UEVLD: variants seen among roughly 807,000 people sequenced by gnomAD.
UEVLD encodes ubiquitin-conjugating enzyme E2 variant 3.
In UEVLD, 47 loss-of-function variants were observed where a neutral mutation model predicts 58.6. The ratio of observed to expected loss-of-function variants is 0.80; its 90% CI spans 0.63 to 1.02. UEVLD has a LOEUF of 1.02. Ranked by LOEUF, UEVLD falls within the 50% of genes least tolerant of loss-of-function variation. UEVLD has a pLI of 0.00. For missense variants in UEVLD, 510 were observed against 550.6 expected (o/e 0.93, Z 0.74); for synonymous variants, 197 against 195.3 (o/e 1.01, Z -0.07).
chr11:18,575,492 G>A (rs910911910), intron 2 of UEVLD, 80 bp from the exon 3 acceptor site: 1 of 1,349,118 alleles, frequency 7.4e-7, no homozygotes, highest in Non-Finnish European at 1.0e-6. Context: ...GTGTGCACAT[G>A]TGTGTGCTCA....
At chr11:18,542,890 CTTTTTTTTT>C (rs890676886) in intron 9 of UEVLD, among the ~76,000 whole-genome samples, 1 of 125,902 alleles carries the variant, frequency 7.9e-6, no homozygotes, top group Non-Finnish European at 1.6e-5. Flanking sequence ...CTTTTCTTTT[CTTTTTTTTT>C]TTTTTTTCTT....
At chr11:18,582,333 A>G (rs1853282907) in intron 1 of UEVLD, among the ~76,000 whole-genome samples, 1 of 132,032 alleles carries the variant, frequency 7.6e-6, no homozygotes, top group Non-Finnish European at 1.6e-5. Flanking sequence ...TTGTTTTGAC[A>G]CCCACCACCC....
At chr11:18,542,260 C>G (rs1851087505) in intron 9 of UEVLD, among the ~76,000 whole-genome samples, 1 of 152,064 alleles carries the variant, frequency 6.6e-6, no homozygotes, top group Non-Finnish European at 1.5e-5. Context: ...GTGCAATAAC[C>G]AGGCAAGCAA....
intron 6 of UEVLD, chr11:18,564,003 TAAA>T (rs34386323): frequency 0.043 from 6,536 of 153,650 alleles, 3 homozygotes; most frequent in South Asian, 0.082. Flanking sequence ...AGACTCCACC[TAAA>T]AAAAAAAAAA....
chr11:18,532,524 T>G, intron 11 of UEVLD, 37 bp from the exon 12 acceptor site: 1 of 1,489,038 alleles, frequency 6.7e-7, no homozygotes, highest in Non-Finnish European at 9.1e-7. Flanking sequence ...TAGAACTAAA[T>G]CATTGCAAAG....
chr11:18,533,460 G>T (rs1205980183), intron 11 of UEVLD, among the ~76,000 whole-genome samples: 1 of 150,040 alleles, frequency 6.7e-6, no homozygotes, highest in Admixed American at 6.7e-5. Flanking sequence ...TGACTTGGCT[G>T]GCTGAGATGA....
At chr11:18,548,900 T>A (rs1201038703) in intron 7 of UEVLD, among the ~76,000 whole-genome samples, 1 of 152,224 alleles carries the variant, frequency 6.6e-6, no homozygotes, top group Non-Finnish European at 1.5e-5. Flanking sequence ...GTAATTCCTA[T>A]GTTGTAGGAT....
At chr11:18,571,575 C>T (rs958974836) in intron 3 of UEVLD, among the ~76,000 whole-genome samples, 3 of 152,184 alleles carry the variant, frequency 2.0e-5, no homozygotes, top group Non-Finnish European at 4.4e-5. Flanking sequence ...TTGACTCCTA[C>T]CCTGCACATC....
chr11:18,555,185 G>A (rs1565121606), intron 7 of UEVLD, among the ~76,000 whole-genome samples: 1 of 152,118 alleles, frequency 6.6e-6, no homozygotes. Context: ...CCAGCACTTT[G>A]GGAGGCTGAG....
Position 18,559,273 on chromosome 11 carries a change from A to C in UEVLD, c.613-943T>G, listed in dbSNP as rs182119211. 2.3e-3 allele frequency among the ~76,000 whole-genome samples: 352 copies of C among 152,052 alleles called. 1 individual carries two copies. Among genetic ancestry groups the C allele is most frequent in the African/African-American group, 8.0e-3 (331 of 41,440 alleles). On this transcript the variant is annotated intron_variant, in intron 6 of 11. Transcript: ENST00000396197. The stretch of plus-strand genomic sequence containing the variant: ...GGGTGCATTAGCACGAGCTCAGCTC[A>C]CTGCAACCTCCACCTCCCAGGTTCA...
At chr11:18,561,774 G>A (rs1852046702) in intron 6 of UEVLD, among the ~76,000 whole-genome samples, 1 of 151,542 alleles carries the variant, frequency 6.6e-6, no homozygotes, top group South Asian at 2.1e-4. Flanking sequence ...GGAGGTTGCA[G>A]TGAGCTGAGA....
intron 7 of UEVLD, among the ~76,000 whole-genome samples, chr11:18,554,851 G>T (rs1339741470): frequency 6.6e-6 from 1 of 152,096 alleles, no homozygotes; most frequent in East Asian, 1.9e-4. Context: ...GACATCAAAT[G>T]ATCAGTCAGC....
chr11:18,539,597 T>G (rs2133962837), intron 9 of UEVLD, among the ~76,000 whole-genome samples: 1 of 152,340 alleles, frequency 6.6e-6, no homozygotes, highest in African/African-American at 2.4e-5. Context: ...CTTTAAAAAT[T>G]TGTTACATTA....
chr11:18,546,232 A>G (rs1028833459), intron 8 of UEVLD, among the ~76,000 whole-genome samples: 2 of 152,216 alleles, frequency 1.3e-5, no homozygotes, highest in Admixed American at 1.3e-4. Context: ...GATACTTCAG[A>G]ATTAACAAAA....
chr11:18,547,602 T>C (rs115099340), intron 7 of UEVLD, among the ~76,000 whole-genome samples: 2,671 of 152,234 alleles, frequency 0.018, 70 homozygotes, highest in African/African-American at 0.06. Flanking sequence ...ATCTAAAACC[T>C]ACAAACAAGA....
intron 1 of UEVLD, among the ~76,000 whole-genome samples, chr11:18,588,219 A>C (rs1406452836): frequency 6.6e-6 from 1 of 152,214 alleles, no homozygotes; most frequent in African/African-American, 2.4e-5. Context: ...GGGTTGATTC[A>C]ATCTTACAGG....
intron 5 of UEVLD, among the ~76,000 whole-genome samples, chr11:18,565,680 T>C (rs1364749529): frequency 6.6e-6 from 1 of 151,722 alleles, no homozygotes; most frequent in East Asian, 2.0e-4. Flanking sequence ...AATACAAAAA[T>C]TGGCTGGGCA....
chr11:18,565,363 CA>C (rs1436477462), intron 5 of UEVLD, among the ~76,000 whole-genome samples: 2 of 152,136 alleles, frequency 1.3e-5, no homozygotes, highest in Non-Finnish European at 2.9e-5. Context: ...ATGTTTCAAA[CA>C]TAGGTATTTG....
intron 6 of UEVLD, chr11:18,563,526 G>T: frequency 3.2e-6 from 1 of 313,538 alleles, no homozygotes; most frequent in Non-Finnish European, 4.6e-6. Context: ...GGGAGGTGGA[G>T]GGTGCAGTAA....
Sources: allele counts gnomAD v4.1 joint callset (sites outside exome capture counted in the v4.1 genomes callset), GRCh38; gene constraint gnomAD v4.1.1; transcripts MANE v1.5; gene names NCBI Gene and HGNC (gene_info 2026-07-23, HGNC 2026-07-21).